The following GNAL variants were observed in gnomAD, a reference collection of about 807,000 sequenced individuals.
The protein encoded by GNAL is G protein subunit alpha L, also known as guanine nucleotide-binding protein G(olf) subunit alpha.
GNAL carries 18 observed loss-of-function variants against 55.1 expected under a neutral mutation model. The observed-to-expected ratio is 0.33, with a 90% CI of 0.23 to 0.48. The LOEUF (loss-of-function observed/expected upper bound fraction) is 0.48, where lower values mean the gene tolerates loss of function less well. GNAL is among the 20% of genes least tolerant of loss of function. GNAL has a pLI of 0.99. For missense variants in GNAL, 412 were observed against 614.1 expected (o/e 0.67, Z 3.48); for synonymous variants, 253 against 237.0 (o/e 1.07, Z -0.62).
intron 5 of GNAL, among the ~76,000 whole-genome samples, chr18:11,845,591 C>G (rs1452570773): frequency 6.6e-6 from 1 of 151,648 alleles, no homozygotes; most frequent in Non-Finnish European, 1.5e-5. Context: ...TTGTAGGAAC[C>G]TGACCAAAGG....
At position 11,881,332 on chromosome 18, in the gene GNAL, C is replaced by T. The variant is rs577277839; in HGVS notation, c.*197C>T. The T allele has an allele frequency of 2.4e-4, 115 of 480,014 alleles. No individual in the cohort carries two copies. The highest frequency in any genetic ancestry group is 1.8e-3 in the African/African-American group (94 of 51,546). The allele number at this position is 480,014 out of a possible 1,614,324, so 29.7% of individuals were successfully genotyped here. A position where few individuals can be genotyped will look rare whatever the true frequency, so the allele number is the denominator to read the frequency against. On this transcript the variant is annotated 3_prime_UTR_variant, in exon 12 of 12. Coordinates refer to ENST00000334049, the MANE Select transcript of GNAL (RefSeq NM_182978.4). The surrounding 1 kb of genome is among the most constrained non-coding windows in gnomAD (Gnocchi z 4.8). Reference sequence around the variant, plus strand: ...TCTGTTGTCATTGAATACGGCCTCCCGCAGCATCCCACCCCCAAACCACCG... The same window carrying T: ...TCTGTTGTCATTGAATACGGCCTCCTGCAGCATCCCACCCCCAAACCACCG...
Position 11,880,978 on chromosome 18 carries a change from C to G in GNAL, c.1231-11C>G, listed in dbSNP as rs763492473. The G allele has an allele frequency of 5.0e-6, 8 of 1,612,930 alleles. No individual in the cohort carries two copies. The highest frequency in any genetic ancestry group is 1.3e-5 in the African/African-American group (1 of 74,926). On this transcript the variant is annotated splice_polypyrimidine_tract_variant and intron_variant, in intron 11 of 11. Transcript: ENST00000334049. ...GCCGCGCAGGGCTAGTGCACACGCTCTCTCTTGCAGAGGATCAGCACGGCC... is the reference window on the plus strand; with the variant it reads ...GCCGCGCAGGGCTAGTGCACACGCTGTCTCTTGCAGAGGATCAGCACGGCC...
chr18:11,697,502 G>A (rs1427971951), intron 1 of GNAL, among the ~76,000 whole-genome samples: 1 of 151,962 alleles, frequency 6.6e-6, no homozygotes, highest in Non-Finnish European at 1.5e-5. Flanking sequence ...AGTTTGTAGT[G>A]GGTTGAGATC....
At chr18:11,723,942 A>T (rs1021415922) in intron 1 of GNAL, among the ~76,000 whole-genome samples, 3 of 152,320 alleles carry the variant, frequency 2.0e-5, no homozygotes, top group Middle Eastern at 3.4e-3. Flanking sequence ...TGGGATGAGA[A>T]GGAACTGGTC....
chr18:11,746,967 C>T (rs1157787360), intron 1 of GNAL: 7 of 522,446 alleles, frequency 1.3e-5, no homozygotes, highest in South Asian at 5.8e-5. Flanking sequence ...TATTTAATTT[C>T]CGAGTAGATT....
Position 11,788,914 on chromosome 18 carries a change from A to ATATATATATATATAT in GNAL, c.624+34969_624+34970insTATATATATATATAT, listed in dbSNP as rs1555650656. On this transcript the variant is annotated intron_variant, in intron 4 of 11. Coordinates refer to ENST00000334049, the MANE Select transcript of GNAL (RefSeq NM_182978.4). Reference sequence around the variant, plus strand: ...TCCGTCTCGAAAAAAAAAAAAAAAAAATATATATATATATATATATATACA... The same window carrying ATATATATATATATAT: ...TCCGTCTCGAAAAAAAAAAAAAAAAATATATATATATATATATATATATATATATATATATATACA... Among the ~76,000 whole-genome samples, 3 of 56,298 alleles carry ATATATATATATATAT rather than the reference A, an allele frequency of 5.3e-5. No homozygotes were observed. The Admixed American group carries it at 6.0e-4, about 11-fold the overall frequency. 36.9% of individuals were successfully genotyped at this position (56,298 alleles called of 152,430 possible).
At chr18:11,738,959 G>A (rs1043659075) in intron 1 of GNAL, among the ~76,000 whole-genome samples, 5 of 152,180 alleles carry the variant, frequency 3.3e-5, no homozygotes, top group African/African-American at 1.2e-4. Flanking sequence ...TTTGCCGCCC[G>A]ACGTCATAAC....
chr18:11,857,375 C>CT (rs572465366), intron 5 of GNAL: 82 of 485,810 alleles, frequency 1.7e-4, no homozygotes, highest in Non-Finnish European at 2.1e-4. Context: ...GCAGGAATGA[C>CT]ACAGGATCTG....
intron 1 of GNAL, among the ~76,000 whole-genome samples, chr18:11,698,293 T>C (rs7237466): frequency 0.27 from 41,207 of 151,650 alleles, 9,987 homozygotes; most frequent in African/African-American, 0.66. Flanking sequence ...GAGATCAAGA[T>C]CATCCTGGCC....
chr18:11,855,208 G>C (rs920500376), intron 5 of GNAL, among the ~76,000 whole-genome samples: 1 of 152,160 alleles, frequency 6.6e-6, no homozygotes, highest in Non-Finnish European at 1.5e-5. Flanking sequence ...CCAAAGTGCT[G>C]GGATTACAGG....
rs9675415 is a variant in GNAL at position 11,690,020 on chromosome 18, T to C, written c.376+81T>C. ...GGGGGCGGCGGGCACCGGGGAGCGG[T>C]GGCGGGCACCGGGGAGCGGCGGCGG... On this transcript the variant is annotated intron_variant, in intron 1 of 11. Coordinates refer to ENST00000334049, the MANE Select transcript of GNAL (RefSeq NM_182978.4). 0.27 allele frequency: 239,399 copies of C among 877,336 alleles called. 38,241 individuals carry two copies. Among genetic ancestry groups the C allele is most frequent in the African/African-American group, 0.68 (36,552 of 53,648 alleles). 54.3% of individuals were successfully genotyped at this position (877,336 alleles called of 1,614,324 possible). A position where few individuals can be genotyped will look rare whatever the true frequency, so the allele number is the denominator to read the frequency against.
intron 5 of GNAL, among the ~76,000 whole-genome samples, chr18:11,846,398 CA>C (rs1337266335): frequency 1.0e-4 from 15 of 146,782 alleles, no homozygotes; most frequent in East Asian, 2.0e-4. Context: ...AAATCGACAT[CA>C]TTTTTTTATA....
At chr18:11,710,868 C>CTGTTTTGTTTTGTTT (rs542715685) in intron 1 of GNAL, among the ~76,000 whole-genome samples, 2 of 151,992 alleles carry the variant, frequency 1.3e-5, no homozygotes, top group African/African-American at 4.8e-5. Context: ...TCAGTATGAA[C>CTGTTTTGTTTTGTTT]TGTTTTGTTT....
chr18:11,766,486 C>G (rs1240510350), intron 4 of GNAL, among the ~76,000 whole-genome samples: 11 of 152,164 alleles, frequency 7.2e-5, no homozygotes, highest in African/African-American at 2.4e-4. Context: ...CCCCCAGAGT[C>G]CCCAGAGACA....
intron 9 of GNAL, among the ~76,000 whole-genome samples, chr18:11,871,044 T>G (rs1402619945): frequency 2.0e-5 from 3 of 152,212 alleles, no homozygotes; most frequent in Admixed American, 1.3e-4. Context: ...ATCTCGTTTT[T>G]AAGTATGTGT....
chr18:11,880,006 C>T (rs1252878376), intron 11 of GNAL, among the ~76,000 whole-genome samples: 1 of 151,476 alleles, frequency 6.6e-6, no homozygotes, highest in African/African-American at 2.4e-5. Flanking sequence ...CGCCTGTAAT[C>T]CCAGCACTTT....
At chr18:11,779,137 A>G (rs890023768) in intron 4 of GNAL, among the ~76,000 whole-genome samples, 1 of 152,178 alleles carries the variant, frequency 6.6e-6, no homozygotes, top group African/African-American at 2.4e-5. Flanking sequence ...TGGCATTCAT[A>G]GAGTGGAGAA....
At chr18:11,697,002 C>T (rs1203997951) in intron 1 of GNAL, among the ~76,000 whole-genome samples, 2 of 152,238 alleles carry the variant, frequency 1.3e-5, no homozygotes, top group Non-Finnish European at 2.9e-5. Flanking sequence ...CCCAGTGCTT[C>T]AGTTTCCATC....
At chr18:11,857,838 C>A in intron 5 of GNAL, 2 of 453,052 alleles carry the variant, frequency 4.4e-6, no homozygotes, top group Non-Finnish European at 2.9e-6. Flanking sequence ...AGTGATCCTG[C>A]TGCCTCAGCC....
Sources: allele counts gnomAD v4.1 joint callset (sites outside exome capture counted in the v4.1 genomes callset), GRCh38; gene constraint gnomAD v4.1.1; non-coding constraint Gnocchi (gnomAD v3.1); transcripts MANE v1.5; gene names NCBI Gene and HGNC (gene_info 2026-07-23, HGNC 2026-07-21).